DAND5: variants seen among roughly 807,000 people sequenced by gnomAD.
DAND5 encodes DAN domain family member 5.
Under a neutral mutation model 9.2 loss-of-function variants are expected in DAND5, and 8 were observed. The observed-to-expected ratio is 0.87, with a 90% CI of 0.51 to 1.56. The LOEUF is 1.56. Among genes scored for constraint, DAND5 ranks in the 40% most tolerant of loss-of-function variants. The probability of loss-of-function intolerance (pLI) is 0.00; values close to 1 mark genes in which losing one functional copy is unlikely to be tolerated. For missense variants in DAND5, 244 were observed against 244.7 expected (o/e 1.00, Z 0.02); for synonymous variants, 95 against 101.1 (o/e 0.94, Z 0.36).
At chr19:12,970,619 T>G (rs2011141752) in intron 1 of DAND5, 1 of 477,244 alleles carries the variant, frequency 2.1e-6, no homozygotes, top group African/African-American at 2.1e-5. Flanking sequence ...TTTCTTTTCT[T>G]TCTTTGTTTT....
At position 12,969,985 on chromosome 19, in the gene DAND5, G is replaced by A. The variant is rs769094412; in HGVS notation, c.324+1G>A. The stretch of plus-strand genomic sequence containing the variant: ...GTGTAAGGCTGTGCCCTTCGTTCAG[G>A]TGAGTGGGTGGGTGTGGGGAGGAGA... On this transcript the variant is annotated splice_donor_variant, in intron 1 of 1. Transcript: ENST00000317060. LOFTEE classifies it high-confidence loss of function. 1 of 1,613,660 alleles carries A rather than the reference G, an allele frequency of 6.2e-7. No homozygotes were observed. Among genetic ancestry groups the A allele is most frequent in the South Asian group, 1.1e-5 (1 of 91,064 alleles).
At chr19:12,972,412 A>G (rs2011149991) in intron 1 of DAND5, among the ~76,000 whole-genome samples, 1 of 151,180 alleles carries the variant, frequency 6.6e-6, no homozygotes, top group Non-Finnish European at 1.5e-5. Context: ...GTCTTACTAT[A>G]TTGCCCAGGC....
At position 12,973,721 on chromosome 19, in the gene DAND5, G is replaced by A; in HGVS notation, c.*87G>A. On this transcript the variant is annotated 3_prime_UTR_variant, in exon 2 of 2. Transcript: ENST00000317060. The stretch of plus-strand genomic sequence containing the variant: ...CAAGAAAGACGTGGACCTGGATGAT[G>A]TACTCTGGGTCAAGAGACCAGGGAT... 1 of 1,546,032 alleles carries A rather than the reference G, an allele frequency of 6.5e-7. No individual in the cohort carries two copies.
chr19:12,973,253 G>A (rs1040449636), intron 1 of DAND5, 136 bp from the exon 2 acceptor site: 2 of 1,241,838 alleles, frequency 1.6e-6, no homozygotes, highest in Non-Finnish European at 2.2e-6. Context: ...AGACAGCAGA[G>A]TCAGGATTTG....
chr19:12,973,038 A>G (rs1280484734), intron 1 of DAND5, among the ~76,000 whole-genome samples: 2 of 149,650 alleles, frequency 1.3e-5, no homozygotes, highest in African/African-American at 2.5e-5. Flanking sequence ...CATTTTTTGT[A>G]TTTTTAGTAG....
At chr19:12,970,512 C>T (rs756261008) in intron 1 of DAND5, 2 of 699,788 alleles carry the variant, frequency 2.9e-6, no homozygotes, top group South Asian at 1.5e-5. Context: ...AGCAATCCTC[C>T]CACCTCAGCC....
In DAND5 at chr19:12,973,751, G is replaced by A; in HGVS notation, c.*117G>A. The A allele has an allele frequency of 6.7e-7, 1 of 1,488,270 alleles. No homozygotes were observed. Among genetic ancestry groups the A allele is most frequent in the Non-Finnish European group, 9.0e-7 (1 of 1,114,864 alleles). The allele number at this position is 1,488,270 out of a possible 1,614,324, so 92.2% of individuals were successfully genotyped here. On this transcript the variant is annotated 3_prime_UTR_variant, in exon 2 of 2. Coordinates refer to ENST00000317060, the MANE Select transcript of DAND5 (RefSeq NM_152654.3). ...CTGGGTCAAGAGACCAGGGATGCAG[G>A]GTTAGGCAGACAGGTCCCCAGAGTC...
chr19:12,973,738 A>C lies in DAND5; in HGVS notation c.*104A>C. The C allele has an allele frequency of 6.6e-7, 1 of 1,525,132 alleles. No individual in the cohort carries two copies. Among genetic ancestry groups the C allele is most frequent in the Non-Finnish European group, 8.8e-7 (1 of 1,136,718 alleles). 94.5% of individuals were successfully genotyped at this position (1,525,132 alleles called of 1,614,324 possible). On this transcript the variant is annotated 3_prime_UTR_variant, in exon 2 of 2. Transcript: ENST00000317060. The stretch of plus-strand genomic sequence containing the variant: ...TGGATGATGTACTCTGGGTCAAGAG[A>C]CCAGGGATGCAGGGTTAGGCAGACA...
At chr19:12,973,187 G>T (rs936546679) in intron 1 of DAND5, among the ~76,000 whole-genome samples, 25 of 152,180 alleles carry the variant, frequency 1.6e-4, no homozygotes, top group Non-Finnish European at 7.3e-5. Context: ...TGATTTTCCA[G>T]GTGAGGAAAC....
intron 1 of DAND5, among the ~76,000 whole-genome samples, chr19:12,972,581 T>C (rs908602489): frequency 6.6e-6 from 1 of 151,312 alleles, no homozygotes; most frequent in Non-Finnish European, 1.5e-5. Flanking sequence ...CTCGCTCTGT[T>C]ACCCAGGCTA....
rs894594278 is a variant in DAND5 at position 12,973,082 on chromosome 19, T to G, written c.325-307T>G. 1.1e-4 allele frequency among the ~76,000 whole-genome samples: 17 copies of G among 151,290 alleles called. No homozygotes were observed. The South Asian group carries it at 1.5e-3, about 13-fold the overall frequency. On this transcript the variant is annotated intron_variant, in intron 1 of 1. Transcript: ENST00000317060. The stretch of plus-strand genomic sequence containing the variant: ...TTTCACCGTGTTGGCCAGGATGGTC[T>G]CGATCTGCTGACCTCGTGATCCGCC...
At chr19:12,971,954 G>C (rs562043150) in intron 1 of DAND5, among the ~76,000 whole-genome samples, 12 of 151,476 alleles carry the variant, frequency 7.9e-5, no homozygotes, top group African/African-American at 2.7e-4. Flanking sequence ...ACAGTGGTGC[G>C]ATCATAGCTC....
At chr19:12,970,584 C>T (rs921358696) in intron 1 of DAND5, 1 of 493,270 alleles carries the variant, frequency 2.0e-6, no homozygotes. Context: ...TCTTTTCTTT[C>T]TTTCTTTCTT....
intron 1 of DAND5, chr19:12,970,353 C>G: frequency 3.0e-6 from 2 of 657,054 alleles, no homozygotes; most frequent in Non-Finnish European, 5.5e-6. Flanking sequence ...CCTGTTACCT[C>G]CCTGATTTCA....
rs759948696 is a variant in DAND5 at position 12,969,740 on chromosome 19, A to C, written c.80A>C (p.Gln27Pro). The C allele has an allele frequency of 1.3e-6, 2 of 1,595,434 alleles. No individual in the cohort carries two copies. Among genetic ancestry groups the C allele is most frequent in the East Asian group, 2.2e-5 (1 of 44,804 alleles). ...ACAGGCTCAGGGAGGCCTGAACCCC[A>C]GTCTCCTCGACCTCAGTCCTGGGCT... is the stretch of plus-strand genomic sequence containing the variant. ...LPTGSGRPEP[Q>P]SPRPQSWAAA... Residue 27 changes from glutamine to proline, a missense_variant, in exon 1 of 2, where the codon CAG becomes CCG. Coordinates refer to ENST00000317060, the MANE Select transcript of DAND5 (RefSeq NM_152654.3).
Position 12,973,419 on chromosome 19 carries a change from C to T in DAND5, c.355C>T (p.Arg119Cys), listed in dbSNP as rs747566940. The change falls in exon 2 of 2, where the codon CGC (arginine) becomes TGC (cysteine). Residue 119 changes from arginine to cysteine, a missense_variant. Transcript: ENST00000317060. ...CTCCCGGCCCGGCTGCTCAGCCATA[C>T]GCCTCCGAAATCATCTGTGCTTTGG... ...VFSRPGCSAIRLRNHLCFGHC... is the reference protein window; with the variant it reads ...VFSRPGCSAICLRNHLCFGHC... 29 of 1,613,910 alleles carry T rather than the reference C, an allele frequency of 1.8e-5. No homozygotes were observed. The Admixed American group carries it at 1.8e-4, about 10-fold the overall frequency.
At chr19:12,973,333 C>G (rs538656557) in intron 1 of DAND5, 56 bp from the exon 2 acceptor site, 19 of 1,582,198 alleles carry the variant, frequency 1.2e-5, no homozygotes, top group Middle Eastern at 1.8e-4. Flanking sequence ...TGATTATCCT[C>G]GCCACTCTGG....
Position 12,969,795 on chromosome 19 carries a change from A to C in DAND5, c.135A>C (p.Pro45=), listed in dbSNP as rs1378373021. The change falls in exon 1 of 2, where the codon CCA becomes CCC. Residue 45 remains proline (P), a synonymous_variant. Transcript: ENST00000317060. ...CCAATCAGACCTGGGCTCTGGGCCC[A>C]GGGGCCCTGCCCCCACTGGTGCCAG... The part of the protein sequence containing the change: ...AAANQTWALG[P]GALPPLVPAS... 3.1e-6 allele frequency: 5 copies of C among 1,596,966 alleles called. No individual in the cohort carries two copies. The highest frequency in any genetic ancestry group is 4.3e-6 in the Non-Finnish European group (5 of 1,172,436).
At chr19:12,971,206 G>T (rs1006874262) in intron 1 of DAND5, among the ~76,000 whole-genome samples, 15 of 152,062 alleles carry the variant, frequency 9.9e-5, no homozygotes, top group Non-Finnish European at 1.8e-4. Context: ...CTTCCTACTG[G>T]TACCATCATC....
Sources: allele counts gnomAD v4.1 joint callset (sites outside exome capture counted in the v4.1 genomes callset), GRCh38; gene constraint gnomAD v4.1.1; transcripts MANE v1.5; gene names NCBI Gene and HGNC (gene_info 2026-07-23, HGNC 2026-07-21).